The following RORA variants were observed in gnomAD, a reference collection of about 807,000 sequenced individuals.
RORA encodes the protein nuclear receptor ROR-alpha.
In RORA, 7 loss-of-function variants were observed where a neutral mutation model predicts 69.5. That is an observed-to-expected ratio of 0.10 (90% CI 0.06 to 0.19). The LOEUF is 0.19. RORA is among the 10% of genes least tolerant of loss of function. The probability of loss-of-function intolerance (pLI) is 1.00; values close to 1 mark genes in which losing one functional copy is unlikely to be tolerated. For missense variants in RORA, 457 were observed against 663.0 expected, an observed-to-expected ratio of 0.69 and a Z score of 3.41; for synonymous variants, 261 against 240.8, an observed-to-expected ratio of 1.08 and a Z score of -0.78.
At chr15:61,210,075 T>A (rs572152761) in intron 1 of RORA, among the ~76,000 whole-genome samples, 1 of 152,214 alleles carries the variant, frequency 6.6e-6, no homozygotes, top group African/African-American at 2.4e-5. Context: ...CAGGGGCCAG[T>A]TGGACAGATG....
intron 1 of RORA, among the ~76,000 whole-genome samples, chr15:60,998,688 C>T (rs1378158420): frequency 1.3e-5 from 2 of 148,666 alleles, no homozygotes; most frequent in African/African-American, 2.4e-5. Context: ...CGTGAGCCAC[C>T]GCACCCACCC....
At chr15:61,124,593 G>A (rs1167498576) in intron 1 of RORA, among the ~76,000 whole-genome samples, 1 of 152,170 alleles carries the variant, frequency 6.6e-6, no homozygotes, top group East Asian at 1.9e-4. Context: ...TAAAAGCAAT[G>A]CCTTGTCTAT....
chr15:60,906,236 G>T (rs1394473704), intron 1 of RORA, among the ~76,000 whole-genome samples: 1 of 152,138 alleles, frequency 6.6e-6, no homozygotes, highest in Non-Finnish European at 1.5e-5. Flanking sequence ...AATAGCAACT[G>T]TACCGACAAA....
intron 1 of RORA, among the ~76,000 whole-genome samples, chr15:60,931,164 A>G (rs1892362622): frequency 6.6e-6 from 1 of 152,208 alleles, no homozygotes; most frequent in South Asian, 2.1e-4. Context: ...GAGTCTGCCT[A>G]GAGCAGCAGA....
At chr15:61,025,095 A>C (rs16943536) in intron 1 of RORA, among the ~76,000 whole-genome samples, 16,446 of 152,078 alleles carry the variant, frequency 0.11, 1,313 homozygotes, top group East Asian at 0.28. Context: ...AATCAAACAG[A>C]CAGGACGCAA....
chr15:60,537,504 G>T lies in RORA; in HGVS notation c.197-5653C>A, dbSNP rs2066716429. 6.6e-6 allele frequency among the ~76,000 whole-genome samples: 1 copy of T among 152,152 alleles called. No homozygotes were observed. Among genetic ancestry groups the T allele is most frequent in the Non-Finnish European group, 1.5e-5 (1 of 68,036 alleles). Reference sequence around the variant, plus strand: ...GAGCAACATGCTTTCTCTCCACTCTGCCATGGGAGGCCCCAGGACACCATA... The same window carrying T: ...GAGCAACATGCTTTCTCTCCACTCTTCCATGGGAGGCCCCAGGACACCATA... On this transcript the variant is annotated intron_variant, in intron 2 of 10. Coordinates refer to ENST00000335670, the MANE Select transcript of RORA (RefSeq NM_134261.3). This position sits in a 1 kb window ranked among gnomAD's most constrained non-coding sequence, Gnocchi z 4.9.
At chr15:60,847,306 C>T (rs933397032) in intron 1 of RORA, among the ~76,000 whole-genome samples, 2 of 151,746 alleles carry the variant, frequency 1.3e-5, no homozygotes, top group African/African-American at 2.4e-5. Flanking sequence ...GGGTGTTTCT[C>T]GGAGGTTGCA....
At chr15:60,501,945 C>T (rs190277958) in intron 8 of RORA, among the ~76,000 whole-genome samples, 146 of 152,186 alleles carry the variant, frequency 9.6e-4, no homozygotes, top group African/African-American at 3.2e-3. Context: ...TTCTTAATAA[C>T]TATGTTCATT....
intron 1 of RORA, among the ~76,000 whole-genome samples, chr15:61,106,851 T>C (rs2078954405): frequency 2.0e-5 from 3 of 152,212 alleles, no homozygotes; most frequent in Non-Finnish European, 4.4e-5. Context: ...TAGGTCTTCC[T>C]ACGAGCAGTT....
chr15:60,821,290 C>A (rs893642722), intron 1 of RORA, among the ~76,000 whole-genome samples: 1 of 152,180 alleles, frequency 6.6e-6, no homozygotes, highest in Non-Finnish European at 1.5e-5. Flanking sequence ...GTGCTGTTCC[C>A]TTTCAGTGCT....
At chr15:61,209,379 T>C (rs6494250) in intron 1 of RORA, among the ~76,000 whole-genome samples, 152,325 of 152,352 alleles carry the variant, frequency 1, 76,149 homozygotes, top group Non-Finnish European at 1. Flanking sequence ...GGAAGAGAGG[T>C]GACCATGCCT....
chr15:60,596,085 G>A (rs1439584151), intron 2 of RORA, among the ~76,000 whole-genome samples: 1 of 152,172 alleles, frequency 6.6e-6, no homozygotes, highest in Non-Finnish European at 1.5e-5. Context: ...AATGATACTT[G>A]ACTTTATGAG....
intron 2 of RORA, among the ~76,000 whole-genome samples, chr15:60,636,939 CCAT>C (rs1036596429): frequency 3.3e-5 from 5 of 151,800 alleles, no homozygotes; most frequent in African/African-American, 1.2e-4. Flanking sequence ...GTATAATTTG[CCAT>C]CATATGACTA....
chr15:61,186,669 G>C (rs2079745888), intron 1 of RORA, among the ~76,000 whole-genome samples: 1 of 134,592 alleles, frequency 7.4e-6, no homozygotes, highest in African/African-American at 2.7e-5. Context: ...AAAAAAAAAG[G>C]GAAAAAGAAA....
At chr15:61,109,831 T>C (rs542928933) in intron 1 of RORA, among the ~76,000 whole-genome samples, 1 of 152,314 alleles carries the variant, frequency 6.6e-6, no homozygotes, top group East Asian at 1.9e-4. Context: ...GATTATAGTA[T>C]CTGAGAGCTT....
At chr15:61,072,325 C>T (rs2078379514) in intron 1 of RORA, among the ~76,000 whole-genome samples, 1 of 152,018 alleles carries the variant, frequency 6.6e-6, no homozygotes, top group Non-Finnish European at 1.5e-5. Context: ...ACATGATAAG[C>T]CTACAAGGAC....
At chr15:60,920,035 C>T (rs910928731) in intron 1 of RORA, among the ~76,000 whole-genome samples, 3 of 152,126 alleles carry the variant, frequency 2.0e-5, no homozygotes, top group Non-Finnish European at 4.4e-5. Context: ...GGGAAGAAGG[C>T]TCAGTTTTAG....
At chr15:60,702,434 G>A (rs1444641920) in intron 1 of RORA, among the ~76,000 whole-genome samples, 5 of 151,898 alleles carry the variant, frequency 3.3e-5, no homozygotes, top group Admixed American at 6.6e-5. Context: ...GTTTTGCCGT[G>A]TTGGCCAGGC....
At chr15:60,743,418 C>T (rs76480319) in intron 1 of RORA, among the ~76,000 whole-genome samples, 4,286 of 152,204 alleles carry the variant, frequency 0.028, 142 homozygotes, top group African/African-American at 0.075. Flanking sequence ...TATTAATTGG[C>T]CCTGTTTACA....
Sources: allele counts gnomAD v4.1 joint callset (sites outside exome capture counted in the v4.1 genomes callset), GRCh38; gene constraint gnomAD v4.1.1; non-coding constraint Gnocchi (gnomAD v3.1); transcripts MANE v1.5; gene names NCBI Gene and HGNC (gene_info 2026-07-23, HGNC 2026-07-21).